The following ASTN2 variants were observed in gnomAD, a reference collection of about 807,000 sequenced individuals.
The protein encoded by ASTN2 is astrotactin-2.
In ASTN2, 54 loss-of-function variants were observed where a neutral mutation model predicts 139.8. That is an observed-to-expected ratio of 0.39 (90% confidence interval 0.31 to 0.48). The LOEUF (loss-of-function observed/expected upper bound fraction) is 0.48. Ranked by LOEUF, ASTN2 falls within the 20% of genes least tolerant of loss-of-function variation. ASTN2 has a pLI of 0.95. For missense variants in ASTN2, 1,565 were observed against 1,725.1 expected (o/e 0.91, Z 1.64); for synonymous variants, 756 against 719.5 (o/e 1.05, Z -0.81).
At chr9:117,374,973 T>C (rs1339929) in intron 1 of ASTN2, among the ~76,000 whole-genome samples, 115,348 of 152,082 alleles carry the variant, frequency 0.76, 44,036 homozygotes, top group East Asian at 0.98. Context: ...TTGACTCAGC[T>C]ACCAAGATCA....
chr9:116,675,831 T>C (rs1859467326), intron 16 of ASTN2, among the ~76,000 whole-genome samples: 1 of 152,168 alleles, frequency 6.6e-6, no homozygotes, highest in Non-Finnish European at 1.5e-5. Flanking sequence ...GACCCCATTG[T>C]GAATTGCCAT....
At chr9:116,719,800 T>C (rs1440593836) in intron 16 of ASTN2, among the ~76,000 whole-genome samples, 2 of 151,406 alleles carry the variant, frequency 1.3e-5, no homozygotes, top group African/African-American at 2.4e-5. Flanking sequence ...AGAGGGGAAG[T>C]AGAAAATCAT....
intron 20 of ASTN2, 61 bp downstream of exon 20, chr9:116,487,298 C>T: frequency 6.3e-7 from 1 of 1,590,046 alleles, no homozygotes; most frequent in Non-Finnish European, 8.6e-7. Context: ...TCATGCCATT[C>T]CTCTTAGGCT....
chr9:117,364,803 G>C (rs1829789728), intron 1 of ASTN2, among the ~76,000 whole-genome samples: 1 of 151,938 alleles, frequency 6.6e-6, no homozygotes, highest in Non-Finnish European at 1.5e-5. Context: ...TAAGAAAAGA[G>C]GCACATTAAG....
At chr9:116,901,759 G>T (rs1040351806) in intron 10 of ASTN2, among the ~76,000 whole-genome samples, 1 of 152,180 alleles carries the variant, frequency 6.6e-6, no homozygotes, top group African/African-American at 2.4e-5. Context: ...TTATAGGCCA[G>T]GCACGGTGGC....
chr9:116,973,693 T>A (rs1380621566), intron 10 of ASTN2, among the ~76,000 whole-genome samples: 1 of 152,222 alleles, frequency 6.6e-6, no homozygotes, highest in East Asian at 1.9e-4. Flanking sequence ...ACTTAGCACA[T>A]GCTTTACTAA....
intron 2 of ASTN2, among the ~76,000 whole-genome samples, chr9:117,251,719 A>C (rs2133091915): frequency 6.6e-6 from 1 of 152,354 alleles, no homozygotes; most frequent in East Asian, 1.9e-4. Flanking sequence ...TCACACTGGT[A>C]GCATTGTGAA....
intron 1 of ASTN2, among the ~76,000 whole-genome samples, chr9:117,319,662 C>T (rs1828263031): frequency 4.0e-5 from 6 of 151,560 alleles, no homozygotes; most frequent in Admixed American, 4.0e-4. Flanking sequence ...TCTCAAACTC[C>T]TGGCCTCAAG....
intron 10 of ASTN2, among the ~76,000 whole-genome samples, chr9:116,895,575 T>C (rs1339166396): frequency 6.6e-6 from 1 of 152,200 alleles, no homozygotes; most frequent in East Asian, 1.9e-4. Context: ...AGGAGTTTGG[T>C]AGTAGTATCC....
intron 16 of ASTN2, among the ~76,000 whole-genome samples, chr9:116,667,398 A>G (rs181487617): frequency 6.6e-6 from 1 of 152,354 alleles, no homozygotes; most frequent in South Asian, 2.1e-4. Context: ...TGGGATATTT[A>G]CAGAAGGAAT....
chr9:117,329,962 T>C (rs1190741955), intron 1 of ASTN2, among the ~76,000 whole-genome samples: 1 of 152,160 alleles, frequency 6.6e-6, no homozygotes, highest in Non-Finnish European at 1.5e-5. Context: ...CGTTCTTATT[T>C]TCCCATGAAG....
chr9:116,508,168 G>A (rs1027511169), intron 19 of ASTN2, among the ~76,000 whole-genome samples: 2 of 152,212 alleles, frequency 1.3e-5, no homozygotes, highest in East Asian at 1.9e-4. Flanking sequence ...TTGGATTACA[G>A]GCGTGAGCCA....
At chr9:116,682,108 AT>A (rs1341750543) in intron 16 of ASTN2, among the ~76,000 whole-genome samples, 1 of 151,894 alleles carries the variant, frequency 6.6e-6, no homozygotes, top group Non-Finnish European at 1.5e-5. Flanking sequence ...ATGGGAGAAA[AT>A]TTTCGCAACC....
intron 1 of ASTN2, among the ~76,000 whole-genome samples, chr9:117,350,485 T>G (rs936794905): frequency 6.8e-6 from 1 of 146,470 alleles, no homozygotes; most frequent in African/African-American, 2.5e-5. Flanking sequence ...GATAGGGGGG[T>G]GGTGGTTGCA....
At position 116,975,264 on chromosome 9, in the gene ASTN2, G is replaced by T; in HGVS notation, c.1833C>A (p.Asn611Lys). 2 of 1,613,448 alleles carry T rather than the reference G, an allele frequency of 1.2e-6. No homozygotes were observed. Among genetic ancestry groups the T allele is most frequent in the South Asian group, 1.1e-5 (1 of 90,926 alleles). Residue 611 changes from asparagine to lysine, a missense_variant, in exon 10 of 23, where the codon AAC becomes AAA. Physicochemically the swap from Asn to Lys is moderately conservative, Grantham distance 94. Transcript: ENST00000313400. ...CATCGGTCTTGCAGCTGGCCAGGGG[G>T]TTGATGGACAGCTCCACAGGCGGAA... is the stretch of plus-strand genomic sequence containing the variant. ...FVVPPVELSI[N>K]PLASCKTDVL... is the part of the protein sequence containing the mutation.
chr9:117,141,898 A>C (rs1219277959), intron 3 of ASTN2, among the ~76,000 whole-genome samples: 1 of 152,206 alleles, frequency 6.6e-6, no homozygotes, highest in African/African-American at 2.4e-5. Context: ...CATCACACCC[A>C]TCTGAGAATC....
At position 116,425,604 on chromosome 9, in the gene ASTN2, C is replaced by A; in HGVS notation, c.*247G>T. On this transcript the variant is annotated 3_prime_UTR_variant, in exon 23 of 23. Transcript: ENST00000313400. Reference sequence around the variant, plus strand: ...TAAGAAAAGGTTTAAAAAGGAGAGACTTTTGATAGAGTCAAATAATATCTT... The same window carrying A: ...TAAGAAAAGGTTTAAAAAGGAGAGAATTTTGATAGAGTCAAATAATATCTT... 1 of 1,613,180 alleles carries A rather than the reference C, an allele frequency of 6.2e-7. No individual in the cohort carries two copies. The highest frequency in any genetic ancestry group is 8.5e-7 in the Non-Finnish European group (1 of 1,179,808).
chr9:116,568,362 T>A (rs1389278178), intron 19 of ASTN2: 3 of 152,222 alleles, frequency 2.0e-5, no homozygotes, highest in Admixed American at 6.5e-5. Context: ...TTTTAAATTT[T>A]AATTTTTATC....
chr9:116,979,696 T>A (rs1836454735), intron 7 of ASTN2, among the ~76,000 whole-genome samples: 1 of 151,620 alleles, frequency 6.6e-6, no homozygotes, highest in Non-Finnish European at 1.5e-5. Context: ...ATGGGAGAGG[T>A]AAAATGGTTA....
Sources: allele counts gnomAD v4.1 joint callset (sites outside exome capture counted in the v4.1 genomes callset), GRCh38; gene constraint gnomAD v4.1.1; transcripts MANE v1.5; gene names NCBI Gene and HGNC (gene_info 2026-07-23, HGNC 2026-07-21).